RIMS1: variants seen among roughly 807,000 people sequenced by gnomAD.
RIMS1 encodes regulating synaptic membrane exocytosis protein 1.
A neutral mutation model predicts 214.1 loss-of-function variants in RIMS1; 83 were observed. That is an observed-to-expected ratio of 0.39 (90% CI 0.32 to 0.47). The LOEUF (loss-of-function observed/expected upper bound fraction) is 0.47, where lower values mean the gene tolerates loss of function less well. Ranked by LOEUF, RIMS1 falls within the 20% of genes least tolerant of loss-of-function variation. RIMS1 has a pLI of 0.99. For synonymous variants in RIMS1, 793 were observed against 786.8 expected (o/e 1.01, Z -0.13); for missense variants, 2,050 against 2,161.8 (o/e 0.95, Z 1.03).
chr6:72,147,841 G>A (rs2496555), intron 4 of RIMS1, among the ~76,000 whole-genome samples: 149,358 of 152,272 alleles, frequency 0.98, 73,307 homozygotes, highest in East Asian at 1. Flanking sequence ...TCATAGAGGG[G>A]CAGAAAATAC....
intron 4 of RIMS1, among the ~76,000 whole-genome samples, chr6:72,169,731 C>G (rs1002579467): frequency 6.6e-6 from 1 of 152,066 alleles, no homozygotes; most frequent in African/African-American, 2.4e-5. Context: ...TGGTGAAAGC[C>G]TGTCTCTACC....
In RIMS1 at chr6:72,278,151, T is replaced by C. The variant is rs1294410306; in HGVS notation, c.3482+3719T>C. The stretch of plus-strand genomic sequence containing the variant: ...CAATATTTTGATTGAGAATGGTTTT[T>C]AATCTATCTATCTATCTATCTATCT... On this transcript the variant is annotated intron_variant, in intron 23 of 33. Coordinates refer to ENST00000521978, the MANE Select transcript of RIMS1 (RefSeq NM_014989.7). Among the ~76,000 whole-genome samples the C allele has an allele frequency of 2.5e-5, 3 of 121,210 alleles. No homozygotes were observed. The Admixed American group carries it at 2.7e-4, about 11-fold the overall frequency. 79.5% of individuals were successfully genotyped at this position (121,210 alleles called of 152,430 possible).
At chr6:72,271,286 A>AAAAAATATATATATATATATAT (rs1417580438) in intron 22 of RIMS1, among the ~76,000 whole-genome samples, 4 of 44,424 alleles carry the variant, frequency 9.0e-5, no homozygotes, top group Non-Finnish European at 1.5e-4. Flanking sequence ...AAAAAAAAAA[A>AAAAAATATATATATATATATAT]ATATATATAT....
chr6:71,992,621 TTCTTCTTCC>T (rs934301684), intron 2 of RIMS1, among the ~76,000 whole-genome samples: 2 of 146,560 alleles, frequency 1.4e-5, no homozygotes, highest in Non-Finnish European at 3.1e-5. Flanking sequence ...CTTCTTCTTC[TTCTTCTTCC>T]TCTTCTTCCT....
chr6:72,254,068 G>T (rs954733417), intron 16 of RIMS1, among the ~76,000 whole-genome samples: 2 of 152,088 alleles, frequency 1.3e-5, no homozygotes, highest in African/African-American at 2.4e-5. Context: ...ATTTCACCGT[G>T]TTGGCCAGGA....
chr6:72,198,264 C>T (rs1192637199), intron 6 of RIMS1, among the ~76,000 whole-genome samples: 4 of 151,982 alleles, frequency 2.6e-5, no homozygotes, highest in African/African-American at 7.2e-5. Context: ...AAATACGATT[C>T]GCCCATATGA....
chr6:72,387,977 T>A (rs1255328243), intron 29 of RIMS1, among the ~76,000 whole-genome samples: 1 of 152,198 alleles, frequency 6.6e-6, no homozygotes, highest in Non-Finnish European at 1.5e-5. Flanking sequence ...TACATTATAT[T>A]AAATGGAATG....
intron 2 of RIMS1, among the ~76,000 whole-genome samples, chr6:71,971,828 C>T (rs182222892): frequency 6.6e-6 from 1 of 152,224 alleles, no homozygotes; most frequent in African/African-American, 2.4e-5. Context: ...TCAATTACCT[C>T]CCACTGGGTC....
At chr6:71,890,596 A>AAAAAAAAAAAAAAAAAAAAAAAAC (rs1554194854) in intron 1 of RIMS1, among the ~76,000 whole-genome samples, 1 of 112,950 alleles carries the variant, frequency 8.9e-6, no homozygotes, top group Non-Finnish European at 1.8e-5. Context: ...AAAAAAAAAA[A>AAAAAAAAAAAAAAAAAAAAAAAAC]ACTTCATAGA....
intron 2 of RIMS1, among the ~76,000 whole-genome samples, chr6:72,071,980 G>T (rs1830674051): frequency 6.6e-6 from 1 of 152,160 alleles, no homozygotes; most frequent in South Asian, 2.1e-4. Flanking sequence ...AAAGGGTAAT[G>T]CCAGTTATGG....
At chr6:72,196,260 A>C (rs1382128856) in intron 6 of RIMS1, among the ~76,000 whole-genome samples, 1 of 152,000 alleles carries the variant, frequency 6.6e-6, no homozygotes, top group South Asian at 2.1e-4. Flanking sequence ...TTATTTAATA[A>C]ATATCTAAAA....
chr6:72,358,970 G>A (rs1352745892), intron 29 of RIMS1, among the ~76,000 whole-genome samples: 2 of 152,148 alleles, frequency 1.3e-5, no homozygotes, highest in African/African-American at 2.4e-5. Flanking sequence ...AAACCTCAAA[G>A]AGGCCACCTA....
At chr6:72,193,528 A>T (rs2050390272) in intron 6 of RIMS1, among the ~76,000 whole-genome samples, 1 of 152,226 alleles carries the variant, frequency 6.6e-6, no homozygotes, top group Non-Finnish European at 1.5e-5. Flanking sequence ...CTTAATTAGA[A>T]ATGCCATCTG....
chr6:71,922,282 A>T (rs1266080960), intron 1 of RIMS1, among the ~76,000 whole-genome samples: 1 of 152,218 alleles, frequency 6.6e-6, no homozygotes, highest in Non-Finnish European at 1.5e-5. Flanking sequence ...GGTCCTCAAG[A>T]AAAACCCAGT....
chr6:72,215,972 TTCTC>T (rs1385430285), intron 6 of RIMS1, among the ~76,000 whole-genome samples: 2 of 152,190 alleles, frequency 1.3e-5, no homozygotes, highest in African/African-American at 4.8e-5. Flanking sequence ...GTTCCTAATT[TTCTC>T]TCTATCCTCA....
intron 6 of RIMS1, among the ~76,000 whole-genome samples, chr6:72,203,526 AGGTT>A (rs1473378103): frequency 6.6e-6 from 1 of 152,192 alleles, no homozygotes; most frequent in Non-Finnish European, 1.5e-5. Flanking sequence ...CAGAGGTTAC[AGGTT>A]GAGGGAACAG....
At chr6:71,944,327 T>C (rs925952922) in intron 1 of RIMS1, among the ~76,000 whole-genome samples, 3 of 152,168 alleles carry the variant, frequency 2.0e-5, no homozygotes, top group African/African-American at 7.2e-5. Flanking sequence ...TGTATAAGCA[T>C]AGAATTGTGT....
chr6:72,158,456 C>A (rs1179616826), intron 4 of RIMS1, among the ~76,000 whole-genome samples: 3 of 139,004 alleles, frequency 2.2e-5, no homozygotes, highest in African/African-American at 7.4e-5. Flanking sequence ...ATGTGCACAA[C>A]GTGCAGGTTT....
intron 29 of RIMS1, among the ~76,000 whole-genome samples, chr6:72,381,576 C>T (rs2098488761): frequency 6.6e-6 from 1 of 152,176 alleles, no homozygotes. Context: ...TATTTTTGGG[C>T]AGCCTTATTA....
Sources: gnomAD v4.1 joint callset for allele counts (sites outside exome capture counted in the v4.1 genomes callset) on GRCh38, gnomAD v4.1.1 for gene constraint, MANE v1.5 for transcripts, NCBI Gene and HGNC (gene_info 2026-07-23, HGNC 2026-07-21) for gene names.